COX7B2: variants seen among roughly 807,000 people sequenced by gnomAD.
The protein encoded by COX7B2 is cytochrome c oxidase subunit 7B2, mitochondrial.
For missense variants in COX7B2, 109 were observed against 95.9 expected, an observed-to-expected ratio of 1.14 and a Z score of -0.57; for synonymous variants, 37 against 32.1, an observed-to-expected ratio of 1.15 and a Z score of -0.51.
intron 1 of COX7B2, among the ~76,000 whole-genome samples, chr4:46,878,561 A>T (rs1316895666): frequency 6.6e-6 from 1 of 152,080 alleles, no homozygotes; most frequent in Non-Finnish European, 1.5e-5. Flanking sequence ...TGTTTTAAAG[A>T]CCCAAAAATT....
At chr4:46,783,619 C>G (rs1384915459) in intron 2 of COX7B2, among the ~76,000 whole-genome samples, 1 of 152,168 alleles carries the variant, frequency 6.6e-6, no homozygotes, top group Non-Finnish European at 1.5e-5. Flanking sequence ...TTACTTAAAG[C>G]TTTCTTTCAA....
intron 2 of COX7B2, among the ~76,000 whole-genome samples, chr4:46,737,234 C>A (rs1320709157): frequency 6.6e-6 from 1 of 152,144 alleles, no homozygotes; most frequent in Non-Finnish European, 1.5e-5. Context: ...ATCTTCATCT[C>A]CCCTTTGGGA....
chr4:46,827,915 G>T (rs140834191), intron 2 of COX7B2, among the ~76,000 whole-genome samples: 9 of 152,244 alleles, frequency 5.9e-5, no homozygotes, highest in Non-Finnish European at 8.8e-5. Flanking sequence ...CAGATCACTG[G>T]TTGCCTGGGA....
chr4:46,894,365 A>C (rs6844232), intron 1 of COX7B2, among the ~76,000 whole-genome samples: 36,908 of 152,030 alleles, frequency 0.24, 4,686 homozygotes, highest in East Asian at 0.29. Context: ...TCTTTAACAA[A>C]CCTGACAAAA....
chr4:46,820,438 A>C (rs2109691140), intron 2 of COX7B2, among the ~76,000 whole-genome samples: 1 of 152,252 alleles, frequency 6.6e-6, no homozygotes, highest in South Asian at 2.1e-4. Flanking sequence ...CCTGCAGTGC[A>C]GCCTAGTTCC....
rs1407878182 is a variant in COX7B2, at chr4:46,735,276, A to G, written c.-49-35T>C. The G allele has an allele frequency of 2.7e-6, 4 of 1,461,762 alleles. No homozygotes were observed. In the African/African-American group the frequency reaches 5.7e-5, roughly 21 times the overall value. The allele number at this position is 1,461,762 out of a possible 1,614,324, so 90.5% of individuals were successfully genotyped here. ...GAGAAAAGATATGCATTGATGTCCA[A>G]TCTTTATTCAATTCCTTCCGCTTTG... On this transcript the variant is annotated intron_variant, in intron 2 of 2. Transcript: ENST00000355591.
At chr4:46,782,541 AAGC>A (rs1410979288) in intron 2 of COX7B2, among the ~76,000 whole-genome samples, 1 of 152,204 alleles carries the variant, frequency 6.6e-6, no homozygotes, top group African/African-American at 2.4e-5. Context: ...AAGAGAATAA[AAGC>A]AGGCTGCCCA....
chr4:46,767,273 A>G (rs1716598338), intron 2 of COX7B2, among the ~76,000 whole-genome samples: 1 of 152,234 alleles, frequency 6.6e-6, no homozygotes, highest in Non-Finnish European at 1.5e-5. Flanking sequence ...AAACAATGTT[A>G]CTATATAATG....
chr4:46,873,168 C>G (rs1718105601), intron 1 of COX7B2, among the ~76,000 whole-genome samples: 1 of 152,162 alleles, frequency 6.6e-6, no homozygotes, highest in Non-Finnish European at 1.5e-5. Context: ...TTTTTTACAG[C>G]TGCATAGTAT....
At chr4:46,869,058 G>GT (rs2109818714) in intron 1 of COX7B2, among the ~76,000 whole-genome samples, 1 of 152,170 alleles carries the variant, frequency 6.6e-6, no homozygotes, top group East Asian at 1.9e-4. Context: ...GTGCTCCTGT[G>GT]TTGGGTGCAT....
At chr4:46,905,814 CTTTTTTTTTT>C (rs761904309) in intron 1 of COX7B2, among the ~76,000 whole-genome samples, 8 of 71,688 alleles carry the variant, frequency 1.1e-4, no homozygotes, top group Non-Finnish European at 1.5e-4. Context: ...GCATATATTT[CTTTTTTTTTT>C]TTTTTTTTTT....
chr4:46,878,644 G>A (rs1718504219), intron 1 of COX7B2, among the ~76,000 whole-genome samples: 1 of 152,060 alleles, frequency 6.6e-6, no homozygotes, highest in Non-Finnish European at 1.5e-5. Flanking sequence ...AAAATATGTT[G>A]GCTGTAAAGT....
At chr4:46,881,280 A>T (rs1485349650) in intron 1 of COX7B2, among the ~76,000 whole-genome samples, 1 of 152,158 alleles carries the variant, frequency 6.6e-6, no homozygotes, top group Non-Finnish European at 1.5e-5. Flanking sequence ...TAAGAAGTAC[A>T]CTGGTTCAGT....
chr4:46,801,116 G>A (rs1342495397), intron 2 of COX7B2, among the ~76,000 whole-genome samples: 1 of 152,040 alleles, frequency 6.6e-6, no homozygotes, highest in Admixed American at 6.6e-5. Flanking sequence ...AGGGAGAAAA[G>A]AAAATGTTTA....
intron 1 of COX7B2, among the ~76,000 whole-genome samples, chr4:46,858,613 T>C (rs1188633165): frequency 1.3e-5 from 2 of 152,134 alleles, no homozygotes; most frequent in African/African-American, 2.4e-5. Flanking sequence ...TGAGACCCCG[T>C]AGAAGGAGCA....
At chr4:46,776,397 T>C (rs1577691954) in intron 2 of COX7B2, among the ~76,000 whole-genome samples, 1 of 143,850 alleles carries the variant, frequency 7.0e-6, no homozygotes, top group South Asian at 2.2e-4. Context: ...TTTCAGAGTG[T>C]GTGTGTGTGT....
intron 2 of COX7B2, among the ~76,000 whole-genome samples, chr4:46,808,329 T>A (rs1719107887): frequency 6.6e-6 from 1 of 151,738 alleles, no homozygotes; most frequent in African/African-American, 2.4e-5. Flanking sequence ...TTAGGCTGGG[T>A]TTTCAGTTGT....
At chr4:46,832,220 C>G (rs1053113918) in intron 2 of COX7B2, among the ~76,000 whole-genome samples, 7 of 152,174 alleles carry the variant, frequency 4.6e-5, no homozygotes, top group South Asian at 2.1e-4. Flanking sequence ...AGCTGCAACA[C>G]TCACTGCGAA....
intron 1 of COX7B2, among the ~76,000 whole-genome samples, chr4:46,902,380 A>G (rs1354775105): frequency 2.0e-5 from 3 of 152,222 alleles, no homozygotes; most frequent in Admixed American, 2.0e-4. Context: ...AAAGAAAGAA[A>G]GCATTCTATA....
Sources: allele counts gnomAD v4.1 joint callset (sites outside exome capture counted in the v4.1 genomes callset), GRCh38; gene constraint gnomAD v4.1.1; transcripts MANE v1.5; gene names NCBI Gene and HGNC (gene_info 2026-07-23, HGNC 2026-07-21).